SUSD4: variants seen among roughly 807,000 people sequenced by gnomAD.
SUSD4 encodes the protein sushi domain-containing protein 4.
SUSD4 carries 41 observed loss-of-function variants against 50.5 expected under a neutral mutation model. The observed-to-expected ratio is 0.81, with a 90% CI of 0.63 to 1.05. The LOEUF is 1.05. Ranked by LOEUF, SUSD4 falls within the 50% of genes least tolerant of loss-of-function variation. The pLI is 0.00. For synonymous variants in SUSD4, 257 were observed against 257.3 expected (o/e 1.00, Z 0.01); for missense variants, 580 against 634.7 (o/e 0.91, Z 0.93).
At chr1:223,358,578 T>C (rs1210274208) in intron 2 of SUSD4, among the ~76,000 whole-genome samples, 1 of 152,208 alleles carries the variant, frequency 6.6e-6, no homozygotes, top group East Asian at 1.9e-4. Flanking sequence ...TTCACGTATC[T>C]AATCAGTGTT....
At chr1:223,329,920 G>A (rs1667085463) in intron 2 of SUSD4, among the ~76,000 whole-genome samples, 1 of 152,090 alleles carries the variant, frequency 6.6e-6, no homozygotes, top group South Asian at 2.1e-4. Flanking sequence ...ATGAACAGAT[G>A]GACAGATGAA....
Position 223,266,507 on chromosome 1 carries a change from A to C in SUSD4, c.536-1689T>G, listed in dbSNP as rs114791159. On this transcript the variant is annotated intron_variant, in intron 4 of 8. Transcript: ENST00000366878. ...GGAATTGTAGTTCTAAACTACCCAC[A>C]CAGATAAGCTGGTTTCTCTCAAATA... is the stretch of plus-strand genomic sequence containing the variant. 4.0e-3 allele frequency among the ~76,000 whole-genome samples: 606 copies of C among 152,316 alleles called. 1 individual carries two copies. Among genetic ancestry groups the C allele is most frequent in the African/African-American group, 0.014 (575 of 41,568 alleles).
At chr1:223,240,021 T>C (rs1660473395) in intron 5 of SUSD4, among the ~76,000 whole-genome samples, 1 of 151,976 alleles carries the variant, frequency 6.6e-6, no homozygotes, top group Non-Finnish European at 1.5e-5. Flanking sequence ...TCCTTTCTCC[T>C]TCGCTTCTGA....
In SUSD4 at chr1:223,332,696, G is replaced by A. The variant is rs975556388; in HGVS notation, c.148+30582C>T. On this transcript the variant is annotated intron_variant, in intron 2 of 8. Transcript: ENST00000366878. The surrounding 1 kb of genome is among the most constrained non-coding windows in gnomAD (Gnocchi z 4.0). The stretch of plus-strand genomic sequence containing the variant: ...GCCGTGGGGAGACAGGCATCTCCTC[G>A]GACAAGCCTCTCCTTCAGGGCGTGT... 1.3e-4 allele frequency among the ~76,000 whole-genome samples: 20 copies of A among 152,080 alleles called. No individual in the cohort carries two copies. Among genetic ancestry groups the A allele is most frequent in the African/African-American group, 4.1e-4 (17 of 41,386 alleles).
At chr1:223,342,796 T>C (rs554373798) in intron 2 of SUSD4, among the ~76,000 whole-genome samples, 1 of 152,296 alleles carries the variant, frequency 6.6e-6, no homozygotes, top group African/African-American at 2.4e-5. Flanking sequence ...CAGGTGACTA[T>C]GTAAATAACC....
At chr1:223,255,017 G>A (rs1661593354) in intron 5 of SUSD4, among the ~76,000 whole-genome samples, 1 of 152,234 alleles carries the variant, frequency 6.6e-6, no homozygotes, top group African/African-American at 2.4e-5. Context: ...CACAGGCAAG[G>A]TGATAGTAAC....
intron 2 of SUSD4, among the ~76,000 whole-genome samples, chr1:223,336,449 G>A (rs759842011): frequency 4.6e-5 from 7 of 152,174 alleles, no homozygotes; most frequent in African/African-American, 7.2e-5. Flanking sequence ...GAAGGTAGCC[G>A]CATGACCAGT....
intron 2 of SUSD4, 33 bp downstream of exon 2, chr1:223,363,245 C>T (rs1197176221): frequency 2.0e-6 from 3 of 1,531,496 alleles, no homozygotes; most frequent in Admixed American, 3.8e-5. Context: ...CTGGGCCATC[C>T]CCAGGCCCTC....
At chr1:223,340,170 A>C (rs1282643858) in intron 2 of SUSD4, among the ~76,000 whole-genome samples, 1 of 152,210 alleles carries the variant, frequency 6.6e-6, no homozygotes, top group Non-Finnish European at 1.5e-5. Flanking sequence ...GCACCCTGAA[A>C]AAAGCAGAAT....
upstream of SUSD4, among the ~76,000 whole-genome samples, chr1:223,364,884 G>A (rs988933311): frequency 6.6e-6 from 1 of 152,088 alleles, no homozygotes; most frequent in African/African-American, 2.4e-5. This position sits in a 1 kb window ranked among gnomAD's most constrained non-coding sequence, Gnocchi z 4.5. Flanking sequence ...GCGTCCCCAG[G>A]GAGCCCGAAG....
chr1:223,340,999 T>C (rs149704805), intron 2 of SUSD4, among the ~76,000 whole-genome samples: 198 of 152,360 alleles, frequency 1.3e-3, no homozygotes, highest in African/African-American at 4.3e-3. Context: ...AGCACCTTGA[T>C]TGCTAAAATA....
chr1:223,363,512 G>A (rs1669127134), intron 1 of SUSD4, 52 bp from the exon 2 acceptor site: 4 of 1,379,856 alleles, frequency 2.9e-6, no homozygotes, highest in African/African-American at 1.5e-5. Flanking sequence ...GGGCTCGGGG[G>A]CCACGCTCCC....
chr1:223,264,265 C>G, intron 5 of SUSD4: 1 of 1,004,982 alleles, frequency 1.0e-6, no homozygotes, highest in Non-Finnish European at 1.2e-6. Flanking sequence ...AACAGCGACA[C>G]AACAATAAAA....
intron 2 of SUSD4, among the ~76,000 whole-genome samples, chr1:223,304,510 C>T (rs1001326242): frequency 7.9e-5 from 12 of 151,820 alleles, no homozygotes; most frequent in Admixed American, 2.0e-4. Flanking sequence ...TGCATGGTAA[C>T]GGTGAGTATT....
chr1:223,270,615 G>C (rs1017748939), intron 3 of SUSD4, among the ~76,000 whole-genome samples: 1 of 152,076 alleles, frequency 6.6e-6, no homozygotes, highest in Non-Finnish European at 1.5e-5. Context: ...TGTCACCCAG[G>C]CTGGAGTGCA....
chr1:223,304,936 T>C (rs1399709371), intron 2 of SUSD4, among the ~76,000 whole-genome samples: 3 of 149,118 alleles, frequency 2.0e-5, no homozygotes, highest in Non-Finnish European at 4.4e-5. Context: ...TCTAAATTCC[T>C]AGAGCCATGT....
At chr1:223,243,219 G>A (rs562606419) in intron 5 of SUSD4, among the ~76,000 whole-genome samples, 7 of 152,242 alleles carry the variant, frequency 4.6e-5, no homozygotes, top group African/African-American at 1.2e-4. Context: ...AAGCTGCCTC[G>A]CTCCAGGGAG....
At chr1:223,331,829 G>C (rs1667194348) in intron 2 of SUSD4, among the ~76,000 whole-genome samples, 1 of 152,186 alleles carries the variant, frequency 6.6e-6, no homozygotes, top group Non-Finnish European at 1.5e-5. Flanking sequence ...GAAGACGTGT[G>C]TTCTCCTCTG....
At chr1:223,345,831 T>C (rs1257780803) in intron 2 of SUSD4, among the ~76,000 whole-genome samples, 1 of 152,178 alleles carries the variant, frequency 6.6e-6, no homozygotes, top group Non-Finnish European at 1.5e-5. Flanking sequence ...CTGCAACATC[T>C]TCCTTGGTCT....
Sources: allele counts gnomAD v4.1 joint callset (sites outside exome capture counted in the v4.1 genomes callset), GRCh38; gene constraint gnomAD v4.1.1; non-coding constraint Gnocchi (gnomAD v3.1); transcripts MANE v1.5; gene names NCBI Gene and HGNC (gene_info 2026-07-23, HGNC 2026-07-21).